PROX1: variants seen among roughly 807,000 people sequenced by gnomAD.
The protein encoded by PROX1 is prospero homeobox 1.
PROX1 carries 7 observed loss-of-function variants against 58.8 expected under a neutral mutation model. The observed-to-expected ratio is 0.12, with a 90% CI of 0.07 to 0.22. The LOEUF (loss-of-function observed/expected upper bound fraction) is 0.22. PROX1 is among the 10% of genes least tolerant of loss of function. The probability of loss-of-function intolerance (pLI) is 1.00; values close to 1 mark genes in which losing one functional copy is unlikely to be tolerated. For synonymous variants in PROX1, 350 were observed against 358.3 expected, an observed-to-expected ratio of 0.98 and a Z score of 0.26; for missense variants, 675 against 927.8, an observed-to-expected ratio of 0.73 and a Z score of 3.54.
chr1:214,028,749 A>G (rs1664542745), intron 4 of PROX1: 1 of 152,248 alleles, frequency 6.6e-6, no homozygotes, highest in African/African-American at 2.4e-5. Flanking sequence ...TTCACTGTGT[A>G]TAGCATCCTG....
In PROX1 at chr1:214,037,750, G is replaced by GTTA. The variant is rs1255113838; in HGVS notation, c.*1919_*1921dup. 6.6e-6 allele frequency: 1 copy of GTTA among 151,992 alleles called. No homozygotes were observed. The highest frequency in any genetic ancestry group is 2.4e-5 in the African/African-American group (1 of 41,356). The allele number at this position is 151,992 out of a possible 1,614,324, so 9.4% of individuals were successfully genotyped here. Reference sequence around the variant, plus strand: ...TGCACAGAGTCATTAGATCCAATTTGTTATTTTTCTCACTTGCTTTAAAAA... The same window carrying GTTA: ...TGCACAGAGTCATTAGATCCAATTTGTTATTATTTTTCTCACTTGCTTTAAAAA... On this transcript the variant is annotated 3_prime_UTR_variant, in exon 5 of 5. Coordinates refer to ENST00000366958, the MANE Select transcript of PROX1 (RefSeq NM_001270616.2).
chr1:214,005,038 T>C, intron 2 of PROX1, 127 bp from the exon 3 acceptor site: 2 of 686,752 alleles, frequency 2.9e-6, no homozygotes, highest in East Asian at 2.7e-5. Context: ...GCCAGTGTCA[T>C]ATACCTTCCA....
intron 4 of PROX1, among the ~76,000 whole-genome samples, chr1:214,020,382 A>G (rs1664240620): frequency 1.3e-5 from 2 of 152,162 alleles, no homozygotes; most frequent in South Asian, 4.1e-4. Context: ...GTGAATCTTC[A>G]TCTCCACTCT....
intron 4 of PROX1, among the ~76,000 whole-genome samples, chr1:214,027,918 C>G (rs1043004752): frequency 6.6e-6 from 1 of 150,792 alleles, no homozygotes; most frequent in African/African-American, 2.4e-5. Flanking sequence ...TTTGTTTAGA[C>G]CAAGGAAACA....
At chr1:214,003,814 A>G (rs1663608906) in intron 2 of PROX1, among the ~76,000 whole-genome samples, 1 of 152,232 alleles carries the variant, frequency 6.6e-6, no homozygotes, top group African/African-American at 2.4e-5. Context: ...TAATTTGATT[A>G]TGCTTCTCTA....
In PROX1 at chr1:213,997,713, T is replaced by C. The variant is rs1409854098; in HGVS notation, c.1178T>C (p.Phe393Ser). 1 of 1,614,066 alleles carries C rather than the reference T, an allele frequency of 6.2e-7. No individual in the cohort carries two copies. ...FPPLQIPQAR[F>S]AVNGENHNFH... ...CCTCTCCAGATCCCCCAGGCCAGAT[T>C]TGCAGTCAATGGGGAAAACCACAAT... The change falls in exon 2 of 5, where the codon TTT becomes TCT. Residue 393 changes from phenylalanine (F) to serine (S), a missense_variant. Phe to Ser is a radical substitution (Grantham distance 155). This residue lies in a region of PROX1 where 403 missense variants were observed against 477.4 expected (regional missense o/e 0.84). Coordinates refer to ENST00000366958, the MANE Select transcript of PROX1 (RefSeq NM_001270616.2). The surrounding 1 kb of genome is among the most constrained non-coding windows in gnomAD (Gnocchi z 7.1).
chr1:213,985,988 T>C (rs1372667973), upstream of PROX1: 2 of 152,226 alleles, frequency 1.3e-5, no homozygotes, highest in African/African-American at 2.4e-5. Flanking sequence ...TAAAGAAAAC[T>C]AGTAGGACGA....
intron 1 of PROX1, among the ~76,000 whole-genome samples, chr1:213,994,317 T>C (rs564933868): frequency 6.6e-6 from 1 of 152,270 alleles, no homozygotes; most frequent in Admixed American, 6.5e-5. Flanking sequence ...TTGCAGGTGA[T>C]AGTCAAGAGA....
chr1:214,017,684 G>A (rs1031748834), intron 4 of PROX1, among the ~76,000 whole-genome samples: 3 of 151,528 alleles, frequency 2.0e-5, no homozygotes, highest in South Asian at 4.2e-4. Context: ...CTCACCTCCC[G>A]CACCCCCCCA....
At chr1:214,011,498 T>C (rs2102731353) in intron 3 of PROX1, 23 bp from the exon 4 acceptor site, 1 of 1,588,626 alleles carries the variant, frequency 6.3e-7, no homozygotes, top group South Asian at 1.1e-5. Context: ...GTTCTTATCC[T>C]TTTCAACATT....
At chr1:214,003,992 A>G (rs1334506501) in intron 2 of PROX1, among the ~76,000 whole-genome samples, 1 of 140,936 alleles carries the variant, frequency 7.1e-6, no homozygotes, top group African/African-American at 2.7e-5. Context: ...GTGTGTTTGC[A>G]CACACAAGCA....
At position 214,036,127 on chromosome 1, in the gene PROX1, G is replaced by T. The variant is rs555075084; in HGVS notation, c.*293G>T. 2.3e-5 allele frequency: 5 copies of T among 216,972 alleles called. No individual in the cohort carries two copies. The Admixed American group carries it at 2.8e-4, about 12-fold the overall frequency. 13.4% of individuals were successfully genotyped at this position (216,972 alleles called of 1,614,324 possible). A position where few individuals can be genotyped will look rare whatever the true frequency, so the allele number is the denominator to read the frequency against. On this transcript the variant is annotated 3_prime_UTR_variant, in exon 5 of 5. Coordinates refer to ENST00000366958, the MANE Select transcript of PROX1 (RefSeq NM_001270616.2). The stretch of plus-strand genomic sequence containing the variant: ...GAAAAAGAATGTTGGCGTGTGTAAA[G>T]TCTCTATTAGCAATGAAGGGAATTT...
At chr1:214,027,792 CTTAAA>C (rs2102768612) in intron 4 of PROX1, among the ~76,000 whole-genome samples, 1 of 151,990 alleles carries the variant, frequency 6.6e-6, no homozygotes, top group Non-Finnish European at 1.5e-5. Context: ...TATTGATTTC[CTTAAA>C]TTAATGTTTA....
intron 4 of PROX1, among the ~76,000 whole-genome samples, chr1:214,033,656 C>T (rs982806090): frequency 5.9e-5 from 9 of 152,176 alleles, no homozygotes; most frequent in Non-Finnish European, 8.8e-5. Flanking sequence ...GCTAACAGCT[C>T]CCAATCCAAG....
chr1:213,985,600 T>C (rs1006368558), upstream of PROX1: 6 of 152,242 alleles, frequency 3.9e-5, no homozygotes, highest in Non-Finnish European at 7.3e-5. Context: ...AGCTTCCTTG[T>C]TCGGCAAGCG....
chr1:214,027,302 CA>C (rs1455250265), intron 4 of PROX1, among the ~76,000 whole-genome samples: 2 of 151,796 alleles, frequency 1.3e-5, no homozygotes, highest in Non-Finnish European at 2.9e-5. Context: ...CCTCTGATCT[CA>C]AACTCACTAG....
At chr1:214,013,647 CAG>C (rs779924523) in intron 4 of PROX1, among the ~76,000 whole-genome samples, 3 of 152,184 alleles carry the variant, frequency 2.0e-5, no homozygotes, top group African/African-American at 7.2e-5. Context: ...ATGACACAAA[CAG>C]GGGATGGCTG....
At chr1:214,012,848 A>G (rs527616116) in intron 4 of PROX1, among the ~76,000 whole-genome samples, 37 of 152,278 alleles carry the variant, frequency 2.4e-4, no homozygotes, top group South Asian at 2.1e-3. Flanking sequence ...GGAAGTTCCA[A>G]ATTTCAAAGG....
intron 4 of PROX1, among the ~76,000 whole-genome samples, chr1:214,025,877 T>G (rs967044125): frequency 6.6e-6 from 1 of 152,002 alleles, no homozygotes; most frequent in African/African-American, 2.4e-5. Context: ...TTGGCCAGGT[T>G]GGTATTGAAC....
Sources: allele counts gnomAD v4.1 joint callset (sites outside exome capture counted in the v4.1 genomes callset), GRCh38; gene constraint gnomAD v4.1.1; regional missense constraint gnomAD v4.1.1; non-coding constraint Gnocchi (gnomAD v3.1); transcripts MANE v1.5; gene names NCBI Gene and HGNC (gene_info 2026-07-23, HGNC 2026-07-21).